Variants in HACE1 observed in about 807,000 individuals in gnomAD.
HACE1 encodes the protein E3 ubiquitin-protein ligase HACE1.
HACE1 carries 73 observed loss-of-function variants against 118.4 expected under a neutral mutation model. The observed-to-expected ratio is 0.62, with a 90% CI of 0.51 to 0.75. The LOEUF is 0.75. Among genes scored for constraint, HACE1 ranks in the 30% least tolerant of loss-of-function variants. The pLI is 0.00. For synonymous variants in HACE1, 368 were observed against 374.8 expected, an observed-to-expected ratio of 0.98 and a Z score of 0.21; for missense variants, 749 against 1,102.2, an observed-to-expected ratio of 0.68 and a Z score of 4.54.
chr6:104,825,864 C>G (rs758301162), intron 6 of HACE1, among the ~76,000 whole-genome samples: 1 of 152,214 alleles, frequency 6.6e-6, no homozygotes, highest in Non-Finnish European at 1.5e-5. Flanking sequence ...AATCTGGACA[C>G]CCTCCACCAG....
chr6:104,830,539 A>C (rs1031479792), intron 6 of HACE1, among the ~76,000 whole-genome samples: 1 of 152,162 alleles, frequency 6.6e-6, no homozygotes, highest in African/African-American at 2.4e-5. Context: ...TATTCTGTGA[A>C]TTGTGATCAT....
At chr6:104,833,753 G>A (rs1774239094) in intron 5 of HACE1, among the ~76,000 whole-genome samples, 1 of 152,174 alleles carries the variant, frequency 6.6e-6, no homozygotes, top group South Asian at 2.1e-4. Context: ...TTGGGAGGCT[G>A]AGGCAGGCGG....
intron 6 of HACE1, among the ~76,000 whole-genome samples, chr6:104,829,907 T>A (rs1773691309): frequency 6.6e-6 from 1 of 152,236 alleles, no homozygotes; most frequent in African/African-American, 2.4e-5. Context: ...ATATGGAGTA[T>A]ATTATACTTA....
chr6:104,804,022 G>T (rs1306642146), intron 7 of HACE1, among the ~76,000 whole-genome samples: 1 of 152,076 alleles, frequency 6.6e-6, no homozygotes, highest in Non-Finnish European at 1.5e-5. Flanking sequence ...AAAGTCTCAG[G>T]ATACAAAATC....
intron 7 of HACE1, among the ~76,000 whole-genome samples, chr6:104,802,979 A>G (rs1471239230): frequency 6.6e-6 from 1 of 152,192 alleles, no homozygotes; most frequent in African/African-American, 2.4e-5. Context: ...AGACTAATAA[A>G]GAAGAAGAGA....
chr6:104,843,261 C>T lies in HACE1; in HGVS notation c.364G>A (p.Ala122Thr), dbSNP rs1381692918. Residue 122 changes from alanine (A) to threonine (T), a missense_variant, in exon 5 of 24, where the codon GCT becomes ACT. Coordinates refer to ENST00000262903, the MANE Select transcript of HACE1 (RefSeq NM_020771.4). ...KCMSKLLEYS[A>T]DVNICNNEGL... ...TCATTATTACAAATGTTGACATCAG[C>T]GCTATATTCTAATAATTTACTCATA... 7 of 1,546,832 alleles carry T rather than the reference C, an allele frequency of 4.5e-6. No homozygotes were observed. The East Asian group carries it at 9.0e-5, about 20-fold the overall frequency.
At chr6:104,850,129 T>C (rs186224296) in intron 3 of HACE1, among the ~76,000 whole-genome samples, 2 of 152,130 alleles carry the variant, frequency 1.3e-5, no homozygotes, top group East Asian at 3.9e-4. Context: ...TTTGTATTTT[T>C]AGTAGAGATG....
At chr6:104,800,275 C>G (rs1770172082) in intron 7 of HACE1, among the ~76,000 whole-genome samples, 1 of 152,190 alleles carries the variant, frequency 6.6e-6, no homozygotes, top group African/African-American at 2.4e-5. Context: ...GACTCCACTT[C>G]TGTGGGCAGG....
chr6:104,821,976 A>T (rs1772763780), intron 6 of HACE1, among the ~76,000 whole-genome samples: 1 of 152,140 alleles, frequency 6.6e-6, no homozygotes, highest in Non-Finnish European at 1.5e-5. Flanking sequence ...GGGAGACCAA[A>T]GTGGGAGGAG....
chr6:104,804,001 G>C (rs1770703668), intron 7 of HACE1, among the ~76,000 whole-genome samples: 1 of 152,120 alleles, frequency 6.6e-6, no homozygotes, highest in Admixed American at 6.5e-5. Context: ...AAGCTGATAA[G>C]CAACTTCAGC....
intron 1 of HACE1, chr6:104,858,572 A>C: frequency 3.2e-6 from 1 of 315,886 alleles, no homozygotes; most frequent in Non-Finnish European, 6.3e-6. Flanking sequence ...CAAAGTACCC[A>C]ATCCCACATT....
At position 104,728,985 on chromosome 6, in the gene HACE1, G is replaced by A. The variant is rs1050521726; in HGVS notation, c.*677C>T. ...AAATGAGGCGTAAGAAAAACATTGAGACCATAATATATACATATGGAAAAC... is the reference window on the plus strand; with the variant it reads ...AAATGAGGCGTAAGAAAAACATTGAAACCATAATATATACATATGGAAAAC... On this transcript the variant is annotated 3_prime_UTR_variant, in exon 24 of 24. Transcript: ENST00000262903. 1 of 152,432 alleles carries A rather than the reference G, an allele frequency of 6.6e-6. No individual in the cohort carries two copies. The highest frequency in any genetic ancestry group is 2.4e-5 in the African/African-American group (1 of 41,388). 9.4% of individuals were successfully genotyped at this position (152,432 alleles called of 1,614,324 possible).
intron 7 of HACE1, among the ~76,000 whole-genome samples, chr6:104,805,834 C>G (rs943659694): frequency 6.6e-6 from 1 of 151,770 alleles, no homozygotes; most frequent in African/African-American, 2.4e-5. Context: ...TGCACATGTA[C>G]CCTGGAACTT....
intron 19 of HACE1, among the ~76,000 whole-genome samples, chr6:104,754,606 G>A (rs902454195): frequency 6.6e-6 from 1 of 152,188 alleles, no homozygotes; most frequent in Non-Finnish European, 1.5e-5. Context: ...AACCCTGCAA[G>A]CCAGAAGAGA....
chr6:104,850,717 A>T (rs755450390), intron 3 of HACE1, among the ~76,000 whole-genome samples, 190 bp downstream of exon 3: 1 of 152,212 alleles, frequency 6.6e-6, no homozygotes, highest in Non-Finnish European at 1.5e-5. Context: ...GGGACATGAG[A>T]TTTACATACA....
intron 19 of HACE1, among the ~76,000 whole-genome samples, chr6:104,770,212 A>AG (rs1205391967): frequency 6.6e-6 from 1 of 152,048 alleles, no homozygotes; most frequent in Non-Finnish European, 1.5e-5. Context: ...ACAAAAAGGG[A>AG]GGGGGGCAGT....
At chr6:104,762,242 A>T (rs1001655578) in intron 19 of HACE1, among the ~76,000 whole-genome samples, 2 of 152,222 alleles carry the variant, frequency 1.3e-5, no homozygotes, top group Admixed American at 1.3e-4. Flanking sequence ...ATAAAGACAC[A>T]CGCACACGTA....
intron 1 of HACE1, among the ~76,000 whole-genome samples, chr6:104,853,158 AG>A (rs1347452886): frequency 2.0e-5 from 3 of 152,224 alleles, no homozygotes; most frequent in Non-Finnish European, 4.4e-5. Flanking sequence ...AATGAAGTTC[AG>A]CACCCTTCCT....
At chr6:104,790,075 A>G (rs1322015748) in intron 11 of HACE1, among the ~76,000 whole-genome samples, 1 of 152,066 alleles carries the variant, frequency 6.6e-6, no homozygotes, top group Non-Finnish European at 1.5e-5. Flanking sequence ...TAAGAAAAAA[A>G]AAAAAGAAAA....
Sources: allele counts gnomAD v4.1 joint callset (sites outside exome capture counted in the v4.1 genomes callset), GRCh38; gene constraint gnomAD v4.1.1; transcripts MANE v1.5; gene names NCBI Gene and HGNC (gene_info 2026-07-23, HGNC 2026-07-21).